The following TENM2 variants were observed in gnomAD, a reference collection of about 807,000 sequenced individuals.
TENM2 encodes teneurin transmembrane protein 2, also known as teneurin-2.
A neutral mutation model predicts 245.2 loss-of-function variants in TENM2; 52 were observed. That is an observed-to-expected ratio of 0.21 (90% CI 0.17 to 0.27). The LOEUF is 0.27. TENM2 is among the 10% of genes least tolerant of loss of function. The probability of loss-of-function intolerance (pLI) is 1.00; values close to 1 mark genes in which losing one functional copy is unlikely to be tolerated. For missense variants in TENM2, 3,046 were observed against 3,666.8 expected, an observed-to-expected ratio of 0.83 and a Z score of 4.37; for synonymous variants, 1,363 against 1,438.9, an observed-to-expected ratio of 0.95 and a Z score of 1.19.
chr5:167,698,746 C>T (rs1456605664), intron 2 of TENM2, among the ~76,000 whole-genome samples: 2 of 135,622 alleles, frequency 1.5e-5, no homozygotes, highest in African/African-American at 2.9e-5. Context: ...TGCAGTGGTG[C>T]GATCTCTGCT....
At chr5:167,463,506 A>T (rs7444297) in intron 2 of TENM2, among the ~76,000 whole-genome samples, 30,440 of 106,086 alleles carry the variant, frequency 0.29, 3,275 homozygotes, top group South Asian at 0.41. Flanking sequence ...ATTTTATTTT[A>T]TTTTTTTTTG....
intron 1 of TENM2, among the ~76,000 whole-genome samples, chr5:167,360,307 A>G (rs2127262806): frequency 6.6e-6 from 1 of 152,322 alleles, no homozygotes; most frequent in Non-Finnish European, 1.5e-5. Flanking sequence ...CCAAAATAGA[A>G]GCTCTGTAAG....
At chr5:167,066,354 A>G in the TENM2 span, among the ~76,000 whole-genome samples, 1 of 152,138 alleles carries the variant, frequency 6.6e-6, no homozygotes, top group African/African-American at 2.4e-5. Context: ...GTTAGTTCCT[A>G]TCCACTCACA....
intron 2 of TENM2, among the ~76,000 whole-genome samples, chr5:167,731,163 T>C (rs1387023198): frequency 1.3e-5 from 2 of 151,184 alleles, no homozygotes; most frequent in Non-Finnish European, 2.9e-5. Context: ...AAAAACCCCA[T>C]GCCAGTTGAC....
chr5:168,033,804 A>G (rs528919614), intron 5 of TENM2, among the ~76,000 whole-genome samples: 4 of 152,156 alleles, frequency 2.6e-5, no homozygotes, highest in African/African-American at 9.6e-5. Flanking sequence ...AGGTGGGCAG[A>G]TCACTTGAGG....
chr5:167,995,608 C>T (rs1462176948), intron 5 of TENM2, among the ~76,000 whole-genome samples: 2 of 152,200 alleles, frequency 1.3e-5, no homozygotes, highest in Non-Finnish European at 2.9e-5. Context: ...AAGTGCTGAT[C>T]TTGGCCCCAG....
At chr5:167,219,331 GCAAAA>G in the TENM2 span, among the ~76,000 whole-genome samples, 4 of 143,126 alleles carry the variant, frequency 2.8e-5, no homozygotes, top group Admixed American at 2.1e-4. Flanking sequence ...AAACAAACAA[GCAAAA>G]CAAAACCAAC....
At chr5:167,372,556 G>A (rs1182135741) in intron 1 of TENM2, among the ~76,000 whole-genome samples, 1 of 152,150 alleles carries the variant, frequency 6.6e-6, no homozygotes, top group African/African-American at 2.4e-5. Flanking sequence ...TCTAGATAAT[G>A]AGATGTGGGA....
rs1794465529 is a variant in TENM2 at position 168,108,998 on chromosome 5, G to T, written c.1814-9294G>T. Among the ~76,000 whole-genome samples the T allele has an allele frequency of 2.0e-5, 3 of 152,138 alleles. No homozygotes were observed. The South Asian group carries it at 6.2e-4, about 32-fold the overall frequency. ...AGCTGTCCTTCCTGAGACAGCCAGG[G>T]CTGCATCCTAGCTCCTTCAAACCTT... On this transcript the variant is annotated intron_variant, in intron 9 of 28. Coordinates refer to ENST00000518659, the Ensembl canonical transcript of TENM2.
chr5:167,244,536 C>T, the TENM2 span, among the ~76,000 whole-genome samples: 120 of 152,280 alleles, frequency 7.9e-4, 1 homozygote, highest in South Asian at 0.02. Context: ...CCTGAAGCAG[C>T]AGGAATATTG....
At chr5:168,141,760 C>T (rs1309386378) in intron 12 of TENM2, among the ~76,000 whole-genome samples, 1 of 152,136 alleles carries the variant, frequency 6.6e-6, no homozygotes, top group East Asian at 1.9e-4. Flanking sequence ...TTGGGAGAAA[C>T]CAACTTGTGC....
At chr5:167,622,581 C>CAG (rs1778246628) in intron 2 of TENM2, among the ~76,000 whole-genome samples, 2 of 152,018 alleles carry the variant, frequency 1.3e-5, no homozygotes. Flanking sequence ...TAATATAGAG[C>CAG]AGAGGAAAAG....
chr5:167,626,004 CCTTGGGACCCATCCTTAGACCCA>C (rs1778477453), intron 2 of TENM2, among the ~76,000 whole-genome samples: 1 of 152,106 alleles, frequency 6.6e-6, no homozygotes, highest in Non-Finnish European at 1.5e-5. Flanking sequence ...TATGACCCAA[CCTTGGGACCCATCCTTAGACCCA>C]CCAATATTTC....
At chr5:167,285,215 C>T (rs939262749) in intron 1 of TENM2, among the ~76,000 whole-genome samples, 152 bp downstream of exon 3, 1 of 152,174 alleles carries the variant, frequency 6.6e-6, no homozygotes, top group African/African-American at 2.4e-5. Flanking sequence ...TTCCTAACAA[C>T]ATGGTGAATC....
chr5:167,549,147 A>G (rs904279313), intron 2 of TENM2, among the ~76,000 whole-genome samples: 1 of 152,158 alleles, frequency 6.6e-6, no homozygotes, highest in East Asian at 1.9e-4. Flanking sequence ...GAGCAATCTT[A>G]TGGACCTCAC....
At chr5:167,197,779 C>T in the TENM2 span, among the ~76,000 whole-genome samples, 3 of 151,766 alleles carry the variant, frequency 2.0e-5, no homozygotes, top group African/African-American at 2.4e-5. Flanking sequence ...TCCATATTCT[C>T]GGTTGTAAAA....
intron 3 of TENM2, among the ~76,000 whole-genome samples, chr5:167,877,030 C>T (rs571507822): frequency 1.1e-4 from 17 of 152,218 alleles, no homozygotes; most frequent in Admixed American, 2.6e-4. Flanking sequence ...AACGTAGGAA[C>T]GGGCAATAAC....
intron 13 of TENM2, among the ~76,000 whole-genome samples, chr5:168,169,245 C>T (rs1038934916): frequency 1.3e-5 from 2 of 152,152 alleles, no homozygotes; most frequent in Non-Finnish European, 2.9e-5. Context: ...ATCAGTAACC[C>T]GTGGTAGAGG....
chr5:167,957,000 G>T (rs576372345), intron 4 of TENM2, among the ~76,000 whole-genome samples: 1 of 152,254 alleles, frequency 6.6e-6, no homozygotes, highest in Admixed American at 6.5e-5. Flanking sequence ...ATGAGTTAGG[G>T]AGGAGTCCCT....
Sources: allele counts gnomAD v4.1 joint callset (sites outside exome capture counted in the v4.1 genomes callset), GRCh38; gene constraint gnomAD v4.1.1; transcripts MANE v1.5; gene names NCBI Gene and HGNC (gene_info 2026-07-23, HGNC 2026-07-21).